FRAS1: variants seen among roughly 807,000 people sequenced by gnomAD.
The protein encoded by FRAS1 is Fraser extracellular matrix complex subunit 1.
Under a neutral mutation model 435.2 loss-of-function variants are expected in FRAS1, and 290 were observed. The observed-to-expected ratio is 0.67, with a 90% CI of 0.61 to 0.73. FRAS1 has a LOEUF of 0.73. Among genes scored for constraint, FRAS1 ranks in the 30% least tolerant of loss-of-function variants. The pLI, the probability that FRAS1 is intolerant of heterozygous loss-of-function variation, is 0.00. For synonymous variants in FRAS1, 1,800 were observed against 1,851.0 expected, an observed-to-expected ratio of 0.97 and a Z score of 0.71; for missense variants, 4,860 against 5,001.5, an observed-to-expected ratio of 0.97 and a Z score of 0.85.
intron 4 of FRAS1, among the ~76,000 whole-genome samples, chr4:78,249,323 CTTTTTTTTTTTT>C (rs11308579): frequency 2.1e-5 from 1 of 47,182 alleles, no homozygotes; most frequent in South Asian, 1.3e-3. Context: ...GCAGTGGAGC[CTTTTTTTTTTTT>C]TTTTTTTTTT....
intron 1 of FRAS1, among the ~76,000 whole-genome samples, chr4:78,058,911 T>G (rs36045725): frequency 0.25 from 37,379 of 152,140 alleles, 5,123 homozygotes; most frequent in African/African-American, 0.37. Context: ...CGCGAGGCGC[T>G]GTGAGCTCCC....
intron 2 of FRAS1, among the ~76,000 whole-genome samples, chr4:78,151,082 T>G (rs550176366): frequency 1.3e-5 from 2 of 152,266 alleles, no homozygotes; most frequent in African/African-American, 4.8e-5. Flanking sequence ...GCTCTGAAAT[T>G]TTTCACCACC....
Position 78,482,504 on chromosome 4 carries a change from A to G in FRAS1, c.8721A>G (p.Ala2907=). 2 of 1,613,842 alleles carry G rather than the reference A, an allele frequency of 1.2e-6. No homozygotes were observed. Among genetic ancestry groups the G allele is most frequent in the Non-Finnish European group, 8.5e-7 (1 of 1,179,814 alleles). ...CCGAACTGACCAAACCCTTCCAGGC[A>G]GTCATTGCAATTAATGACACATTCC... The part of the protein sequence containing the change: ...QGAELTKPFQ[A]VIAINDTFQD... Residue 2907 remains alanine (A), a synonymous_variant, in exon 58 of 74, where the codon GCA becomes GCG. Transcript: ENST00000512123.
intron 41 of FRAS1, 117 bp downstream of exon 41, chr4:78,441,414 A>G (rs1734654434): frequency 1.1e-6 from 1 of 944,184 alleles, no homozygotes; most frequent in African/African-American, 1.7e-5. Flanking sequence ...AACCATTTCA[A>G]AGAAATGGAA....
intron 2 of FRAS1, among the ~76,000 whole-genome samples, chr4:78,204,830 CT>C (rs1286532010): frequency 6.6e-6 from 1 of 152,224 alleles, no homozygotes; most frequent in African/African-American, 2.4e-5. Flanking sequence ...TTTTGGGAAA[CT>C]TCTAAGCACA....
intron 20 of FRAS1, among the ~76,000 whole-genome samples, chr4:78,347,335 A>G (rs1730643880): frequency 6.6e-6 from 1 of 152,216 alleles, no homozygotes. Flanking sequence ...TCTTTCTGCT[A>G]GAGGGTCTTC....
chr4:78,088,888 T>A (rs1380459708), intron 2 of FRAS1, among the ~76,000 whole-genome samples: 5 of 152,074 alleles, frequency 3.3e-5, no homozygotes, highest in South Asian at 2.1e-4. Context: ...TCAGGGATCT[T>A]GAACTAGAAA....
chr4:78,123,576 C>G (rs945816607), intron 2 of FRAS1, among the ~76,000 whole-genome samples: 2 of 152,154 alleles, frequency 1.3e-5, no homozygotes, highest in African/African-American at 2.4e-5. Flanking sequence ...GCAGTAAGGC[C>G]ATTTTCACAA....
intron 6 of FRAS1, among the ~76,000 whole-genome samples, chr4:78,260,160 G>A (rs1450938651): frequency 6.6e-6 from 1 of 151,844 alleles, no homozygotes; most frequent in Admixed American, 6.6e-5. Context: ...TTATTCTTTT[G>A]GCTTAGGATT....
intron 56 of FRAS1, among the ~76,000 whole-genome samples, chr4:78,480,021 C>T (rs1419863497): frequency 6.6e-6 from 1 of 152,160 alleles, no homozygotes; most frequent in Non-Finnish European, 1.5e-5. Flanking sequence ...ATAATAATCA[C>T]ATCAGGATAA....
At chr4:78,452,932 T>A (rs1293356618) in intron 47 of FRAS1, among the ~76,000 whole-genome samples, 1 of 152,128 alleles carries the variant, frequency 6.6e-6, no homozygotes, top group East Asian at 1.9e-4. Flanking sequence ...AGAGGCTACA[T>A]TGGGTGAGAA....
Position 78,400,779 on chromosome 4 carries a change from C to G in FRAS1, c.4021C>G (p.Pro1341Ala). The G allele has an allele frequency of 6.2e-7, 1 of 1,613,244 alleles. No individual in the cohort carries two copies. Among genetic ancestry groups the G allele is most frequent in the Non-Finnish European group, 8.5e-7 (1 of 1,179,568 alleles). The change falls in exon 30 of 74, where the codon CCA becomes GCA. Residue 1341 changes from proline (P) to alanine (A), a missense_variant. Physicochemically the swap from Pro to Ala is conservative, Grantham distance 27. Coordinates refer to ENST00000512123, the MANE Select transcript of FRAS1 (RefSeq NM_025074.7). ...TGTGGCTAATTCGATGGTGTGGGTT[C>G]CAGAAGGGGGGATGCTGCAGATCAC... ...QLVANSMVWVPEGGMLQITNR... is the reference protein window; with the variant it reads ...QLVANSMVWVAEGGMLQITNR...
intron 60 of FRAS1, among the ~76,000 whole-genome samples, 194 bp from the exon 61 acceptor site, chr4:78,499,527 C>T (rs1720613645): frequency 6.6e-6 from 1 of 152,148 alleles, no homozygotes. Flanking sequence ...TGCAGAATCA[C>T]AAATAAATAA....
intron 35 of FRAS1, among the ~76,000 whole-genome samples, chr4:78,424,909 A>G (rs992198987): frequency 6.6e-6 from 1 of 151,984 alleles, no homozygotes; most frequent in African/African-American, 2.4e-5. Flanking sequence ...CAGCTTGGAC[A>G]ATAGTGAAAC....
rs142382971 is a variant in FRAS1, at chr4:78,432,643, G to A, written c.5217+39G>A. ...TTTGCTGTGTTTGTTCTCCACCGCCGCATCTTCTGATGGGGCAGACTGGGC... is the reference window on the plus strand; with the variant it reads ...TTTGCTGTGTTTGTTCTCCACCGCCACATCTTCTGATGGGGCAGACTGGGC... On this transcript the variant is annotated intron_variant, in intron 38 of 73. Coordinates refer to ENST00000512123, the MANE Select transcript of FRAS1 (RefSeq NM_025074.7). The A allele has an allele frequency of 2.7e-4, 410 of 1,518,166 alleles. 1 individual carries two copies. In the East Asian group the frequency reaches 6.6e-3, roughly 24 times the overall value. The allele number at this position is 1,518,166 out of a possible 1,614,324, so 94.0% of individuals were successfully genotyped here.
intron 21 of FRAS1, 62 bp from the exon 22 acceptor site, chr4:78,363,846 G>A: frequency 6.5e-7 from 1 of 1,549,972 alleles, no homozygotes; most frequent in Non-Finnish European, 8.7e-7. Context: ...CCACACTTGG[G>A]GTGCTGCTTT....
chr4:78,067,022 T>C, intron 2 of FRAS1, among the ~76,000 whole-genome samples: 1 of 152,222 alleles, frequency 6.6e-6, no homozygotes, highest in Non-Finnish European at 1.5e-5. Context: ...CCCTGTTTAT[T>C]CTTTAATATA....
At position 78,214,990 on chromosome 4, in the gene FRAS1, G is replaced by T. The variant is rs139478726; in HGVS notation, c.109-22520G>T. Among the ~76,000 whole-genome samples, 470 of 152,216 alleles carry T rather than the reference G, an allele frequency of 3.1e-3. 17 individuals are homozygous for T. In the East Asian group the frequency reaches 0.075, roughly 24 times the overall value. ...AGGTGTCTTTCCCCCGATCTCTAAA[G>T]CAGTCAATCAGGGGCCAATCAGTAA... On this transcript the variant is annotated intron_variant, in intron 2 of 73. Transcript: ENST00000512123.
chr4:78,071,460 G>T (rs1162721575), intron 2 of FRAS1: 1 of 152,186 alleles, frequency 6.6e-6, no homozygotes, highest in Non-Finnish European at 1.5e-5. Flanking sequence ...TTCAGGTTCT[G>T]GCCCTGTAAT....
Sources: gnomAD v4.1 joint callset for allele counts (sites outside exome capture counted in the v4.1 genomes callset) on GRCh38, gnomAD v4.1.1 for gene constraint, MANE v1.5 for transcripts, NCBI Gene and HGNC (gene_info 2026-07-23, HGNC 2026-07-21) for gene names.